The following ODAD1 variants were observed in gnomAD, a reference collection of about 807,000 sequenced individuals.
The protein encoded by ODAD1 is outer dynein arm docking complex subunit 1.
A neutral mutation model predicts 67.2 loss-of-function variants in ODAD1; 49 were observed. The observed-to-expected ratio is 0.73, with a 90% CI of 0.58 to 0.92. The LOEUF is 0.92. Ranked by LOEUF, ODAD1 falls within the 40% of genes least tolerant of loss-of-function variation. ODAD1 has a pLI of 0.00. For synonymous variants in ODAD1, 345 were observed against 393.7 expected (o/e 0.88, Z 1.46); for missense variants, 897 against 953.7 (o/e 0.94, Z 0.78).
At chr19:48,318,612 G>C (rs1294628502) in intron 4 of ODAD1, 36 bp from the exon 5 acceptor site, 67 of 1,546,580 alleles carry the variant, frequency 4.3e-5, no homozygotes, top group Non-Finnish European at 5.8e-5. Flanking sequence ...GGGCCAGTAA[G>C]GGGGCAGAAC....
Position 48,303,647 on chromosome 19 carries a change from C to T in ODAD1, c.988+3G>A, listed in dbSNP as rs967978453. The stretch of plus-strand genomic sequence containing the variant: ...TCCTCCCTCCACCCAGGGCCCCACT[C>T]ACTCTCCAGATACTTCTGCACCAAC... On this transcript the variant is annotated splice_donor_region_variant and intron_variant, in intron 10 of 15. Coordinates refer to ENST00000674294, the MANE Select transcript of ODAD1 (RefSeq NM_001364171.2). 1.2e-6 allele frequency: 2 copies of T among 1,614,090 alleles called. No individual in the cohort carries two copies. Among genetic ancestry groups the T allele is most frequent in the East Asian group, 2.2e-5 (1 of 44,876 alleles).
At position 48,303,746 on chromosome 19, in the gene ODAD1, C is replaced by T; in HGVS notation, c.892G>A (p.Glu298Lys). 6.2e-7 allele frequency: 1 copy of T among 1,613,598 alleles called. No individual in the cohort carries two copies. Among genetic ancestry groups the T allele is most frequent in the Admixed American group, 1.7e-5 (1 of 59,910 alleles). ...VAEGVWKTSQ[E>K]RLVLCYEDAL... is the part of the protein sequence containing the mutation. ...TCCTCGTAGCAAAGCACCAGCCTCT[C>T]CTGGGAGGTCTTCCAGACGCCCTCG... The change falls in exon 10 of 16, where the codon GAG (glutamate) becomes AAG (lysine). Residue 298 changes from glutamate (E) to lysine (K), a missense_variant. Transcript: ENST00000674294.
At chr19:48,312,173 T>A in intron 5 of ODAD1, 57 bp from the exon 6 acceptor site, 1 of 1,421,428 alleles carries the variant, frequency 7.0e-7, no homozygotes, top group Non-Finnish European at 9.7e-7. Context: ...AGAGATTGAA[T>A]GGCCCAGGGA....
In ODAD1 at chr19:48,297,990, T is replaced by C; in HGVS notation, c.1502+10A>G. 6.2e-7 allele frequency: 1 copy of C among 1,607,170 alleles called. No individual in the cohort carries two copies. Among genetic ancestry groups the C allele is most frequent in the East Asian group, 2.2e-5 (1 of 44,824 alleles). ...CGTCCCCTCTGCGTCCCTCCTGCCC[T>C]GCGCCTCACAGAGTGTCAGGGGGCT... On this transcript the variant is annotated intron_variant, in intron 14 of 15. Transcript: ENST00000674294.
chr19:48,302,712 G>T lies in ODAD1; in HGVS notation c.1222C>A (p.Leu408Met), dbSNP rs150271983. 3.5e-5 allele frequency: 57 copies of T among 1,611,190 alleles called. No individual in the cohort carries two copies. In the African/African-American group the frequency reaches 7.1e-4, roughly 20 times the overall value. ...EARFQDVRGQ[L>M]EKLKADIQLL... is the part of the protein sequence containing the mutation. Reference sequence around the variant, plus strand: ...TGCTCACCAGCCTTGAGCTTCTCCAGCTGTCCCCGCACATCCTGGAAGCGG... The same window carrying T: ...TGCTCACCAGCCTTGAGCTTCTCCATCTGTCCCCGCACATCCTGGAAGCGG... The change falls in exon 12 of 16, where the codon CTG (leucine) becomes ATG (methionine). Residue 408 changes from leucine (L) to methionine (M), a missense_variant. Leu to Met is a conservative substitution (Grantham distance 15). Coordinates refer to ENST00000674294, the MANE Select transcript of ODAD1 (RefSeq NM_001364171.2).
chr19:48,317,298 G>A (rs762644123), intron 5 of ODAD1, among the ~76,000 whole-genome samples: 3 of 152,042 alleles, frequency 2.0e-5, no homozygotes, highest in South Asian at 2.1e-4. Context: ...ATCTTGGTGT[G>A]TATGAACTAC....
At chr19:48,315,365 C>T (rs893607792) in intron 5 of ODAD1, among the ~76,000 whole-genome samples, 16 of 151,990 alleles carry the variant, frequency 1.1e-4, no homozygotes, top group African/African-American at 2.4e-4. Flanking sequence ...GCCAACATGG[C>T]GAAACCCCGT....
At chr19:48,312,788 A>G (rs1223397107) in intron 5 of ODAD1, among the ~76,000 whole-genome samples, 1 of 152,178 alleles carries the variant, frequency 6.6e-6, no homozygotes, top group Non-Finnish European at 1.5e-5. Flanking sequence ...TTCTCCTGTC[A>G]TGGCCCCACC....
intron 10 of ODAD1, 197 bp from the exon 11 acceptor site, chr19:48,303,292 A>C: frequency 1.6e-6 from 1 of 625,390 alleles, no homozygotes; most frequent in Non-Finnish European, 2.9e-6. Context: ...GGTGGGACAC[A>C]GAAATACACA....
chr19:48,320,509 G>T, intron 2 of ODAD1, 118 bp from the exon 3 acceptor site: 1 of 404,608 alleles, frequency 2.5e-6, no homozygotes, highest in Non-Finnish European at 4.1e-6. Context: ...AACCACGCTG[G>T]CCTCATTCCT....
Position 48,302,742 on chromosome 19 carries a change from C to G in ODAD1, c.1192G>C (p.Glu398Gln), listed in dbSNP as rs1462057746. 1 of 1,613,324 alleles carries G rather than the reference C, an allele frequency of 6.2e-7. No homozygotes were observed. The highest frequency in any genetic ancestry group is 1.3e-5 in the African/African-American group (1 of 75,058). The change falls in exon 12 of 16, where the codon GAG becomes CAG. Residue 398 changes from glutamate (E) to glutamine (Q), a missense_variant. Coordinates refer to ENST00000674294, the MANE Select transcript of ODAD1 (RefSeq NM_001364171.2). ...CCCCGCACATCCTGGAAGCGGGCCT[C>G]AAGGCGCTCAGCCTCCGAGTGCACC... ...DKVHSEAERL[E>Q]ARFQDVRGQL...
chr19:48,315,963 G>T (rs1371130914), intron 5 of ODAD1, among the ~76,000 whole-genome samples: 6 of 152,074 alleles, frequency 3.9e-5, no homozygotes, highest in Non-Finnish European at 7.4e-5. Flanking sequence ...AATCAAGTTG[G>T]GTTGTTATGA....
chr19:48,303,659 A>G lies in ODAD1; in HGVS notation c.979T>C (p.Tyr327His). ...ESDPDLLVQK[Y>H]LEIEERNFAE... is the part of the protein sequence containing the mutation. ...CCAGGGCCCCACTCACTCTCCAGAT[A>G]CTTCTGCACCAACAGGTCAGGGTCA... The change falls in exon 10 of 16, where the codon TAT (tyrosine) becomes CAT (histidine). Residue 327 changes from tyrosine to histidine, a missense_variant. Coordinates refer to ENST00000674294, the MANE Select transcript of ODAD1 (RefSeq NM_001364171.2). 6.2e-7 allele frequency: 1 copy of G among 1,614,042 alleles called. No individual in the cohort carries two copies. Among genetic ancestry groups the G allele is most frequent in the African/African-American group, 1.3e-5 (1 of 75,026 alleles).
Position 48,320,463 on chromosome 19 carries a change from T to G in ODAD1, c.-23-72A>C, listed in dbSNP as rs375322469. On this transcript the variant is annotated intron_variant, in intron 2 of 15. Transcript: ENST00000674294. ...GGCCCAGAGAGGGTGGACAATGAAC[T>G]GCGAGGGACTGGGAATTGAAAGGGG... 70 of 807,080 alleles carry G rather than the reference T, an allele frequency of 8.7e-5. No homozygotes were observed. In the African/African-American group the frequency reaches 1.1e-3, roughly 13 times the overall value. The allele number at this position is 807,080 out of a possible 1,614,324, so 50.0% of individuals were successfully genotyped here. A position where few individuals can be genotyped will look rare whatever the true frequency, so the allele number is the denominator to read the frequency against.
At chr19:48,311,971 G>A in intron 6 of ODAD1, 23 bp downstream of exon 6, 2 of 1,548,802 alleles carry the variant, frequency 1.3e-6, no homozygotes, top group South Asian at 1.2e-5. Context: ...TTCAGGTCGA[G>A]GGACCAGGAG....
chr19:48,297,698 CTA>C, intron 14 of ODAD1, 30 bp from the exon 15 acceptor site: 1 of 1,464,256 alleles, frequency 6.8e-7, no homozygotes. Flanking sequence ...TTGGAAAAGA[CTA>C]GACCTCAGCC....
chr19:48,299,927 G>A (rs953258770), intron 12 of ODAD1, among the ~76,000 whole-genome samples: 3 of 149,912 alleles, frequency 2.0e-5, no homozygotes, highest in African/African-American at 7.4e-5. Context: ...TATAATCCCA[G>A]CACTTTGGGA....
chr19:48,308,396 G>A (rs530467942), intron 7 of ODAD1, among the ~76,000 whole-genome samples: 155 of 151,734 alleles, frequency 1.0e-3, no homozygotes, highest in Non-Finnish European at 1.7e-3. Context: ...GGCTGGTCTC[G>A]AACTCCTGAC....
At chr19:48,307,861 C>T (rs909191296) in intron 7 of ODAD1, among the ~76,000 whole-genome samples, 4 of 151,436 alleles carry the variant, frequency 2.6e-5, no homozygotes, top group African/African-American at 4.9e-5. Flanking sequence ...CTTAGTGCCT[C>T]AACACCTACT....
Sources: gnomAD v4.1 joint callset for allele counts (sites outside exome capture counted in the v4.1 genomes callset) on GRCh38, gnomAD v4.1.1 for gene constraint, MANE v1.5 for transcripts, NCBI Gene and HGNC (gene_info 2026-07-23, HGNC 2026-07-21) for gene names.